The following MYB variants were observed in gnomAD, a reference collection of about 807,000 sequenced individuals.
The protein encoded by MYB is MYB proto-oncogene, transcription factor.
In MYB, 28 loss-of-function variants were observed where a neutral mutation model predicts 92.9. That is an observed-to-expected ratio of 0.30 (90% CI 0.22 to 0.41). The LOEUF is 0.41. Ranked by LOEUF, MYB falls within the 10% of genes least tolerant of loss-of-function variation. The pLI is 1.00. For synonymous variants in MYB, 295 were observed against 329.1 expected, an observed-to-expected ratio of 0.90 and a Z score of 1.12; for missense variants, 679 against 929.3, an observed-to-expected ratio of 0.73 and a Z score of 3.50.
chr6:135,181,746 G>A lies in MYB; in HGVS notation c.23+210G>A, dbSNP rs1462948076. Among the ~76,000 whole-genome samples, 1 of 152,230 alleles carries A rather than the reference G, an allele frequency of 6.6e-6. No individual in the cohort carries two copies. The highest frequency in any genetic ancestry group is 1.5e-5 in the Non-Finnish European group (1 of 68,038). ...TTGCGGGAAATGTATCCGGACGTTGGGAAGCACGCCCTGCGGCTCATTTTG... is the reference window on the plus strand; with the variant it reads ...TTGCGGGAAATGTATCCGGACGTTGAGAAGCACGCCCTGCGGCTCATTTTG... On this transcript the variant is annotated intron_variant, in intron 1 of 15. Transcript: ENST00000341911. This position sits in a 1 kb window ranked among gnomAD's most constrained non-coding sequence, Gnocchi z 5.3.
In MYB at chr6:135,200,152, C is replaced by T; in HGVS notation, c.1777C>T (p.His593Tyr). Residue 593 changes from histidine to tyrosine, a missense_variant, in exon 12 of 16, where the codon CAT (histidine) becomes TAT (tyrosine). His to Tyr is a moderately conservative substitution (Grantham distance 83). This residue lies in a region of MYB where 402 missense variants were observed against 434.2 expected (regional missense o/e 0.93). Transcript: ENST00000341911. Reference protein sequence around the residue: ...SSPRTPTPFKHALAAQEIKYG... With the variant: ...SSPRTPTPFKYALAAQEIKYG... The stretch of plus-strand genomic sequence containing the variant: ...TCCAAGAACTCCTACACCATTCAAA[C>T]ATGCACTTGCAGCTCAAGAAATTAA... 6.2e-7 allele frequency: 1 copy of T among 1,614,194 alleles called. No homozygotes were observed. The highest frequency in any genetic ancestry group is 8.5e-7 in the Non-Finnish European group (1 of 1,180,030).
chr6:135,210,146 A>C (rs762010877), intron 15 of MYB, among the ~76,000 whole-genome samples: 1 of 152,194 alleles, frequency 6.6e-6, no homozygotes, highest in Admixed American at 6.5e-5. Flanking sequence ...ATGCTAATCA[A>C]CTTTCCTTAA....
At chr6:135,196,571 G>A (rs1777345572) in intron 9 of MYB, among the ~76,000 whole-genome samples, 1 of 152,144 alleles carries the variant, frequency 6.6e-6, no homozygotes, top group East Asian at 1.9e-4. Flanking sequence ...CATCTTTCGT[G>A]AAACAAATTT....
intron 1 of MYB, among the ~76,000 whole-genome samples, chr6:135,183,154 G>T (rs1775377398): frequency 6.6e-6 from 1 of 151,902 alleles, no homozygotes; most frequent in Non-Finnish European, 1.5e-5. Flanking sequence ...GTTCCCTGAG[G>T]CTCCAGGTAG....
intron 11 of MYB, chr6:135,199,633 A>G: frequency 1.4e-6 from 1 of 713,970 alleles, no homozygotes; most frequent in Non-Finnish European, 1.8e-6. Flanking sequence ...GAGAAATGGT[A>G]GAGAAAGTGT....
At position 135,218,934 on chromosome 6, in the gene MYB, G is replaced by T; in HGVS notation, c.*954G>T. The T allele has an allele frequency of 4.4e-6, 1 of 227,620 alleles. No individual in the cohort carries two copies. The highest frequency in any genetic ancestry group is 8.8e-6 in the Non-Finnish European group (1 of 114,160). 14.1% of individuals were successfully genotyped at this position (227,620 alleles called of 1,614,324 possible). A position where few individuals can be genotyped will look rare whatever the true frequency, so the allele number is the denominator to read the frequency against. On this transcript the variant is annotated 3_prime_UTR_variant, in exon 16 of 16. Transcript: ENST00000341911. ...CTATGTTTTGTTTTGAGTGTAGCCT[G>T]ACTGTTTTATAATTTGGGAGTTCTG...
At chr6:135,198,598 T>G (rs1777647777) in intron 10 of MYB, among the ~76,000 whole-genome samples, 1 of 152,252 alleles carries the variant, frequency 6.6e-6, no homozygotes, top group African/African-American at 2.4e-5. Context: ...TAAAGCCTTT[T>G]AAATGTTAAT....
At chr6:135,188,030 C>T (rs943675231) in intron 3 of MYB, 125 bp downstream of exon 3, 2 of 480,606 alleles carry the variant, frequency 4.2e-6, no homozygotes, top group Non-Finnish European at 7.2e-6. Flanking sequence ...GGAGAAATGC[C>T]CTACCCATAA....
At position 135,203,322 on chromosome 6, in the gene MYB, C is replaced by A; in HGVS notation, c.2167C>A (p.Gln723Lys). 6.4e-7 allele frequency: 1 copy of A among 1,563,266 alleles called. No homozygotes were observed. ...AAACAGGTCCCTGGCGAGCCCCTTG[C>A]AGGTAATTACTATTCCAACATTGGT... The part of the protein sequence containing the change: ...PKNRSLASPL[Q>K]PCSSTWEPAS... Residue 723 changes from glutamine (Q) to lysine (K), a missense_variant and splice_region_variant, in exon 15 of 16, where the codon CAG (glutamine) becomes AAG (lysine). Gln to Lys is a moderately conservative substitution (Grantham distance 53). Around this residue, in one of 8 missense-constraint regions of MYB, gnomAD observed 402 missense variants for 434.2 expected, o/e 0.93. Transcript: ENST00000341911.
intron 1 of MYB, among the ~76,000 whole-genome samples, chr6:135,185,200 CTAAG>C (rs1189935668): frequency 6.6e-6 from 1 of 152,154 alleles, no homozygotes; most frequent in East Asian, 1.9e-4. Flanking sequence ...ACTCTAGAAA[CTAAG>C]TATTGTAAAC....
chr6:135,204,167 G>T (rs918422003), intron 15 of MYB, among the ~76,000 whole-genome samples: 1 of 152,190 alleles, frequency 6.6e-6, no homozygotes, highest in African/African-American at 2.4e-5. Context: ...TCATAGGACA[G>T]CAGCCTTTGA....
At position 135,212,996 on chromosome 6, in the gene MYB, A is replaced by T. The variant is rs546104746; in HGVS notation, c.2170-4868A>T. Among the ~76,000 whole-genome samples, 5 of 152,150 alleles carry T rather than the reference A, an allele frequency of 3.3e-5. No individual in the cohort carries two copies. The East Asian group carries it at 7.7e-4, about 24-fold the overall frequency. ...GTACTCAATCTTCTGATCTTCCTTG[A>T]CTTTCACGACATAGGCATATGTCTA... On this transcript the variant is annotated intron_variant, in intron 15 of 15. Transcript: ENST00000341911.
At chr6:135,198,418 GT>G (rs1174212113) in intron 10 of MYB, among the ~76,000 whole-genome samples, 1 of 152,072 alleles carries the variant, frequency 6.6e-6, no homozygotes, top group African/African-American at 2.4e-5. Context: ...GGAACACCTA[GT>G]TTTTTCCCAG....
In MYB at chr6:135,206,225, AAATAAT is replaced by A. The variant is rs1269845019; in HGVS notation, c.2169+2920_2169+2925del. ...CATCTCAAAAAAAAAAAAAAAAAAA[AAATAAT>A]AATAATAATAATAATAATTAGCTGG... On this transcript the variant is annotated intron_variant, in intron 15 of 15. Transcript: ENST00000341911. 3.0e-3 allele frequency among the ~76,000 whole-genome samples: 286 copies of A among 96,586 alleles called. 2 individuals carry two copies. Among genetic ancestry groups the A allele is most frequent in the South Asian group, 0.025 (69 of 2,776 alleles). 63.4% of individuals were successfully genotyped at this position (96,586 alleles called of 152,430 possible). A position where few individuals can be genotyped will look rare whatever the true frequency, so the allele number is the denominator to read the frequency against.
chr6:135,208,084 T>TA (rs1386837628), intron 15 of MYB, among the ~76,000 whole-genome samples: 2 of 148,350 alleles, frequency 1.3e-5, no homozygotes, highest in Admixed American at 6.7e-5. Context: ...TTTTTTAATT[T>TA]TTTTTTTTTT....
chr6:135,208,765 A>G lies in MYB; in HGVS notation c.2169+5441A>G, dbSNP rs1008742564. 4.6e-5 allele frequency among the ~76,000 whole-genome samples: 7 copies of G among 152,176 alleles called. No homozygotes were observed. The South Asian group carries it at 1.0e-3, about 23-fold the overall frequency. On this transcript the variant is annotated intron_variant, in intron 15 of 15. Transcript: ENST00000341911. ...TGTGTCTCTAAAAATAGACATTTTT[A>G]TATATAACCTAATACCATCATTACA... is the stretch of plus-strand genomic sequence containing the variant.
At chr6:135,198,827 T>C in intron 10 of MYB, 81 bp from the exon 11 acceptor site, 1 of 1,126,212 alleles carries the variant, frequency 8.9e-7, no homozygotes, top group East Asian at 2.5e-5. Flanking sequence ...ACATTCTTGT[T>C]ATCTAGGTGT....
In MYB at chr6:135,197,221, C is replaced by G. The variant is rs1366398953; in HGVS notation, c.1464C>G (p.Ser488Arg). 6.2e-7 allele frequency: 1 copy of G among 1,613,988 alleles called. No homozygotes were observed. Among genetic ancestry groups the G allele is most frequent in the Non-Finnish European group, 8.5e-7 (1 of 1,179,886 alleles). ...TTCGAAAAAAACGGGGCCAGGCCAG[C>G]CCCTTAGCCACTGGAGACTGTAGCT... The part of the protein sequence containing the change: ...VILRKKRGQA[S>R]PLATGDCSSF... Residue 488 changes from serine to arginine, a missense_variant, in exon 10 of 16, where the codon AGC becomes AGG. By Grantham distance (110) the Ser-to-Arg change is moderately radical. Coordinates refer to ENST00000341911, the MANE Select transcript of MYB (RefSeq NM_001130173.2).
In MYB at chr6:135,194,496, G is replaced by A. The variant is rs201203065; in HGVS notation, c.948+36G>A. ...CATCATGTGCTTGAATGAGGGGATA[G>A]CAGCTTTGCCTCAGTTTACCTAAGC... On this transcript the variant is annotated intron_variant, in intron 8 of 15. Coordinates refer to ENST00000341911, the MANE Select transcript of MYB (RefSeq NM_001130173.2). 24 of 1,476,566 alleles carry A rather than the reference G, an allele frequency of 1.6e-5. No homozygotes were observed. In the African/African-American group the frequency reaches 2.2e-4, roughly 14 times the overall value. The allele number at this position is 1,476,566 out of a possible 1,614,324, so 91.5% of individuals were successfully genotyped here.
Sources: allele counts gnomAD v4.1 joint callset (sites outside exome capture counted in the v4.1 genomes callset), GRCh38; gene constraint gnomAD v4.1.1; regional missense constraint gnomAD v4.1.1; non-coding constraint Gnocchi (gnomAD v3.1); transcripts MANE v1.5; gene names NCBI Gene and HGNC (gene_info 2026-07-23, HGNC 2026-07-21).